Variants in SCMH1 observed in about 807,000 individuals in gnomAD.
SCMH1 encodes Scm polycomb group protein homolog 1.
In SCMH1, 37 loss-of-function variants were observed where a neutral mutation model predicts 70.8. The observed-to-expected ratio is 0.52, with a 90% CI of 0.40 to 0.69. The LOEUF is 0.69. SCMH1 is among the 30% of genes least tolerant of loss of function. The pLI, the probability that SCMH1 is intolerant of heterozygous loss-of-function variation, is 0.00. For synonymous variants in SCMH1, 292 were observed against 307.4 expected (o/e 0.95, Z 0.52); for missense variants, 607 against 827.3 (o/e 0.73, Z 3.27).
At position 41,175,149 on chromosome 1, in the gene SCMH1, T is replaced by A. The variant is rs192698107; in HGVS notation, c.13+10972A>T. Among the ~76,000 whole-genome samples the A allele has an allele frequency of 1.7e-3, 256 of 152,344 alleles. 1 individual carries two copies. The South Asian group carries it at 0.022, about 13-fold the overall frequency. On this transcript the variant is annotated intron_variant, in intron 2 of 14. Transcript: ENST00000337495. Reference sequence around the variant, plus strand: ...GTGGTATTTATTGAAGAGATTAACATTTGAATCAGTAGACTGAGTAAAGAT... The same window carrying A: ...GTGGTATTTATTGAAGAGATTAACAATTGAATCAGTAGACTGAGTAAAGAT...
chr1:41,037,322 G>C, intron 13 of SCMH1, 40 bp downstream of exon 13: 1 of 1,592,240 alleles, frequency 6.3e-7, no homozygotes, highest in East Asian at 2.2e-5. Flanking sequence ...GAAGGAAAGA[G>C]TGAGGGAGGG....
chr1:41,040,128 G>C (rs1275337606), intron 12 of SCMH1, among the ~76,000 whole-genome samples: 1 of 152,002 alleles, frequency 6.6e-6, no homozygotes. Context: ...AAACTTCCTA[G>C]GGTCAATGTA....
At chr1:41,218,051 G>A (rs1573158606) in intron 1 of SCMH1, among the ~76,000 whole-genome samples, 1 of 152,304 alleles carries the variant, frequency 6.6e-6, no homozygotes, top group South Asian at 2.1e-4. Flanking sequence ...ACTATACCCA[G>A]AGGCTCACTC....
At chr1:41,196,442 G>A (rs904987066) in intron 1 of SCMH1, among the ~76,000 whole-genome samples, 3 of 151,990 alleles carry the variant, frequency 2.0e-5, no homozygotes, top group African/African-American at 7.2e-5. Context: ...CCATTTAATG[G>A]GAAAAGGACA....
chr1:41,160,777 C>A, intron 4 of SCMH1, 98 bp downstream of exon 4: 1 of 1,102,308 alleles, frequency 9.1e-7, no homozygotes. Context: ...GACAGAGACA[C>A]GTGGAATTCT....
chr1:41,231,709 T>A (rs1661329633), intron 1 of SCMH1, among the ~76,000 whole-genome samples: 1 of 152,212 alleles, frequency 6.6e-6, no homozygotes, highest in African/African-American at 2.4e-5. Flanking sequence ...TTGATGACTT[T>A]AACAGTTTTG....
chr1:41,116,808 T>C, intron 7 of SCMH1, 114 bp downstream of exon 7: 1 of 711,530 alleles, frequency 1.4e-6, no homozygotes, highest in Non-Finnish European at 2.2e-6. Flanking sequence ...TAAAAAATCC[T>C]TCTGAACTAA....
intron 2 of SCMH1, among the ~76,000 whole-genome samples, chr1:41,171,988 T>G (rs1047553245): frequency 4.6e-5 from 7 of 152,068 alleles, no homozygotes; most frequent in African/African-American, 1.7e-4. Flanking sequence ...GCCCAGGACT[T>G]CAAGACCAAC....
In SCMH1 at chr1:41,235,175, G is replaced by T. The variant is rs567410739; in HGVS notation, c.-118+6884C>A. Among the ~76,000 whole-genome samples the T allele has an allele frequency of 2.6e-5, 4 of 152,176 alleles. No individual in the cohort carries two copies. In the South Asian group the frequency reaches 8.3e-4, roughly 32 times the overall value. On this transcript the variant is annotated intron_variant, in intron 1 of 14. Coordinates refer to ENST00000337495, the Ensembl canonical transcript of SCMH1. ...AAATCATTTCAGACCTACAAAAACA[G>T]AAATTTTATGGTTCACTCTAATATT...
intron 2 of SCMH1, among the ~76,000 whole-genome samples, chr1:41,179,953 C>T (rs1220510997): frequency 2.6e-5 from 4 of 152,094 alleles, no homozygotes; most frequent in South Asian, 4.1e-4. Flanking sequence ...AACATTGATG[C>T]AAAAATCCTC....
intron 10 of SCMH1, among the ~76,000 whole-genome samples, chr1:41,060,508 T>C (rs1466650787): frequency 6.7e-6 from 1 of 149,594 alleles, no homozygotes; most frequent in Non-Finnish European, 1.5e-5. Context: ...CCAGAACACC[T>C]GCCTTGCAAG....
At chr1:41,135,396 TC>T (rs1189562196) in intron 6 of SCMH1, among the ~76,000 whole-genome samples, 2 of 152,246 alleles carry the variant, frequency 1.3e-5, no homozygotes, top group East Asian at 1.9e-4. Flanking sequence ...GGGGGCAGTT[TC>T]CCCTATGCTA....
intron 1 of SCMH1, among the ~76,000 whole-genome samples, chr1:41,188,376 G>C (rs1236874348): frequency 6.6e-6 from 1 of 152,154 alleles, no homozygotes; most frequent in Non-Finnish European, 1.5e-5. Context: ...GAATCTGCCA[G>C]CCTCAGCCTC....
chr1:41,065,428 C>T (rs1205581003), intron 10 of SCMH1, among the ~76,000 whole-genome samples: 1 of 152,200 alleles, frequency 6.6e-6, no homozygotes, highest in African/African-American at 2.4e-5. Context: ...TGTAACTGTG[C>T]CACTGCACTT....
chr1:41,037,655 C>T, intron 12 of SCMH1, 114 bp from the exon 13 acceptor site: 2 of 862,514 alleles, frequency 2.3e-6, no homozygotes, highest in Non-Finnish European at 3.7e-6. Flanking sequence ...TGGGCAGGGA[C>T]TCAGGAGGCC....
At chr1:41,036,245 G>A (rs1645277382) in intron 13 of SCMH1, among the ~76,000 whole-genome samples, 1 of 152,156 alleles carries the variant, frequency 6.6e-6, no homozygotes, top group Admixed American at 6.5e-5. Context: ...CTTCCCTGAG[G>A]ATTGGATCTG....
intron 8 of SCMH1, among the ~76,000 whole-genome samples, chr1:41,075,815 C>T (rs1448390740): frequency 6.6e-6 from 1 of 152,152 alleles, no homozygotes; most frequent in Non-Finnish European, 1.5e-5. Flanking sequence ...GAATGAAGGT[C>T]TGAGGCTCAG....
chr1:41,179,362 A>G (rs1432499394), intron 2 of SCMH1, among the ~76,000 whole-genome samples: 1 of 152,254 alleles, frequency 6.6e-6, no homozygotes, highest in Non-Finnish European at 1.5e-5. Context: ...GAAATAACTA[A>G]CATCAGAGCA....
At chr1:41,170,363 A>T (rs1646707275) in intron 2 of SCMH1, among the ~76,000 whole-genome samples, 1 of 152,182 alleles carries the variant, frequency 6.6e-6, no homozygotes, top group Non-Finnish European at 1.5e-5. Flanking sequence ...GTCTGGCCCT[A>T]GCGTGCTTCA....
Sources: gnomAD v4.1 joint callset for allele counts (sites outside exome capture counted in the v4.1 genomes callset) on GRCh38, gnomAD v4.1.1 for gene constraint, MANE v1.5 for transcripts, NCBI Gene and HGNC (gene_info 2026-07-23, HGNC 2026-07-21) for gene names.